The following TAB1 variants were observed in gnomAD, a reference collection of about 807,000 sequenced individuals.
The protein encoded by TAB1 is TGF-beta-activated kinase 1 and MAP3K7-binding protein 1.
TAB1 carries 30 observed loss-of-function variants against 54.5 expected under a neutral mutation model. The observed-to-expected ratio is 0.55, with a 90% CI of 0.41 to 0.75. TAB1 has a LOEUF of 0.75. TAB1 is among the 30% of genes least tolerant of loss of function. The pLI is 0.00. For missense variants in TAB1, 609 were observed against 683.2 expected (o/e 0.89, Z 1.21); for synonymous variants, 289 against 286.9 (o/e 1.01, Z -0.07).
chr22:39,435,731 G>A (rs1478969925), downstream of TAB1, among the ~76,000 whole-genome samples: 1 of 152,154 alleles, frequency 6.6e-6, no homozygotes, highest in Non-Finnish European at 1.5e-5. Flanking sequence ...CACATGGGCC[G>A]GGGAGCCTGG....
intron 4 of TAB1, among the ~76,000 whole-genome samples, chr22:39,417,101 A>G (rs1211290330): frequency 6.6e-6 from 1 of 152,246 alleles, no homozygotes; most frequent in African/African-American, 2.4e-5. Flanking sequence ...GGTGGACATG[A>G]GGAAGGGCTT....
chr22:39,424,756 G>T (rs1266391104), intron 8 of TAB1, among the ~76,000 whole-genome samples: 1 of 152,084 alleles, frequency 6.6e-6, no homozygotes, highest in Non-Finnish European at 1.5e-5. Context: ...CCTGTGTTCT[G>T]ATTTCTTTAC....
intron 8 of TAB1, among the ~76,000 whole-genome samples, chr22:39,422,949 T>C (rs1196892107): frequency 2.6e-5 from 4 of 152,038 alleles, no homozygotes; most frequent in African/African-American, 9.7e-5. Flanking sequence ...TCTGTGATTC[T>C]TGTAGGAAGA....
chr22:39,402,171 CGT>C (rs1025609619), intron 1 of TAB1, among the ~76,000 whole-genome samples: 3 of 151,966 alleles, frequency 2.0e-5, no homozygotes, highest in African/African-American at 7.3e-5. Context: ...TTTCTTGACA[CGT>C]GTGTTTTTGT....
intron 7 of TAB1, among the ~76,000 whole-genome samples, chr22:39,421,103 G>A (rs557924161): frequency 1.4e-4 from 21 of 151,600 alleles, no homozygotes; most frequent in African/African-American, 4.8e-4. Context: ...ACCCTAAGGT[G>A]TAATTGGCAT....
At chr22:39,411,349 T>C (rs937590515) in intron 1 of TAB1, among the ~76,000 whole-genome samples, 1 of 152,188 alleles carries the variant, frequency 6.6e-6, no homozygotes, top group African/African-American at 2.4e-5. Flanking sequence ...CAAAAGACAC[T>C]ACTGAGTGAA....
intron 1 of TAB1, among the ~76,000 whole-genome samples, chr22:39,406,123 AG>A (rs920817122): frequency 9.2e-5 from 14 of 152,326 alleles, no homozygotes; most frequent in Admixed American, 7.9e-4. Flanking sequence ...TAACAATACC[AG>A]GCTATAGCAC....
downstream of TAB1, among the ~76,000 whole-genome samples, chr22:39,434,230 G>A (rs1435790574): frequency 4.6e-5 from 7 of 152,248 alleles, no homozygotes; most frequent in Non-Finnish European, 1.5e-5. Context: ...TGACGGGAGC[G>A]TTAGCCGAGA....
At chr22:39,420,882 C>CTGTGTG (rs3043618) in intron 7 of TAB1, among the ~76,000 whole-genome samples, 158 of 14,366 alleles carry the variant, frequency 0.011, 23 homozygotes, top group African/African-American at 0.021. Context: ...GTGTCTCTCT[C>CTGTGTG]TGTGTGTGTG....
chr22:39,416,621 C>T (rs181146190), intron 3 of TAB1, 170 bp from the exon 4 acceptor site: 49 of 661,682 alleles, frequency 7.4e-5, no homozygotes, highest in South Asian at 5.0e-4. Context: ...AGGAAGCAGC[C>T]GGTGCCTTGC....
chr22:39,423,722 G>T (rs2145677649), intron 8 of TAB1, among the ~76,000 whole-genome samples: 1 of 151,834 alleles, frequency 6.6e-6, no homozygotes, highest in South Asian at 2.1e-4. Context: ...TTATGTAGTG[G>T]TGAATTCTGA....
At position 39,399,850 on chromosome 22, in the gene TAB1, C is replaced by G. The variant is rs191555430; in HGVS notation, c.33+15C>G. The G allele has an allele frequency of 1.9e-6, 3 of 1,592,558 alleles. No homozygotes were observed. The highest frequency in any genetic ancestry group is 4.6e-5 in the East Asian group (2 of 43,916). Reference sequence around the variant, plus strand: ...TGCTGCAGAGTGTGAGGAACAGGCCCGCTCTCTGGGCTTGGGGTTGGGAGC... The same window carrying G: ...TGCTGCAGAGTGTGAGGAACAGGCCGGCTCTCTGGGCTTGGGGTTGGGAGC... On this transcript the variant is annotated intron_variant, in intron 1 of 10. Coordinates refer to ENST00000216160, the MANE Select transcript of TAB1 (RefSeq NM_006116.3).
At chr22:39,406,233 A>G (rs1926356882) in intron 1 of TAB1, among the ~76,000 whole-genome samples, 1 of 152,106 alleles carries the variant, frequency 6.6e-6, no homozygotes, top group Non-Finnish European at 1.5e-5. Context: ...CCACGTCTCT[A>G]CTAAAAATAC....
intron 1 of TAB1, among the ~76,000 whole-genome samples, chr22:39,408,752 C>T (rs1026466365): frequency 2.6e-5 from 4 of 152,206 alleles, no homozygotes; most frequent in African/African-American, 7.2e-5. Context: ...CCACCCACCT[C>T]GGCCTCCCAA....
In TAB1 at chr22:39,428,112, C is replaced by T; in HGVS notation, c.1236C>T (p.Pro412=). ...GCGTGACCCTCTCCCTTGTCATGCC[C>T]TCCCAGGGCCAGATGGTCAACGGGG... The part of the protein sequence containing the change: ...KTSVTLSLVM[P]SQGQMVNGAH... Residue 412 remains proline, a synonymous_variant, in exon 10 of 11, where the codon CCC becomes CCT. Coordinates refer to ENST00000216160, the MANE Select transcript of TAB1 (RefSeq NM_006116.3). 1 of 1,613,830 alleles carries T rather than the reference C, an allele frequency of 6.2e-7. No homozygotes were observed. Among genetic ancestry groups the T allele is most frequent in the Non-Finnish European group, 8.5e-7 (1 of 1,179,746 alleles).
At chr22:39,411,197 T>C (rs149424754) in intron 1 of TAB1, among the ~76,000 whole-genome samples, 1 of 152,152 alleles carries the variant, frequency 6.6e-6, no homozygotes, top group African/African-American at 2.4e-5. Flanking sequence ...TATAAAACTA[T>C]AAAACTTTTA....
At position 39,421,825 on chromosome 22, in the gene TAB1, A is replaced by G. The variant is rs1184207748; in HGVS notation, c.777-2A>G. 1.2e-6 allele frequency: 2 copies of G among 1,613,944 alleles called. No homozygotes were observed. The highest frequency in any genetic ancestry group is 1.7e-4 in the Middle Eastern group (1 of 6,058). On this transcript the variant is annotated splice_acceptor_variant, in intron 7 of 10. Transcript: ENST00000216160. LOFTEE classifies it high-confidence loss of function. ...GCTCTTCCTTCCACTCTCTCCCCAT[A>G]GCGCTGCCAAGTCCAAACCAATCAT...
intron 1 of TAB1, among the ~76,000 whole-genome samples, chr22:39,412,396 G>C (rs117772722): frequency 0.011 from 1,698 of 152,256 alleles, 69 homozygotes; most frequent in Admixed American, 0.074. Context: ...AGGTTGCCAG[G>C]GATTAGGGGA....
At chr22:39,417,979 G>A in intron 5 of TAB1, 130 bp downstream of exon 5, 1 of 1,204,360 alleles carries the variant, frequency 8.3e-7, no homozygotes, top group Admixed American at 3.1e-5. Context: ...GAGACCGTTG[G>A]GTATGTCCCT....
Sources: allele counts gnomAD v4.1 joint callset (sites outside exome capture counted in the v4.1 genomes callset), GRCh38; gene constraint gnomAD v4.1.1; transcripts MANE v1.5; gene names NCBI Gene and HGNC (gene_info 2026-07-23, HGNC 2026-07-21).